The following ZDHHC21 variants were observed in gnomAD, a reference collection of about 807,000 sequenced individuals.
The protein encoded by ZDHHC21 is zDHHC palmitoyltransferase 21.
A neutral mutation model predicts 34.6 loss-of-function variants in ZDHHC21; 15 were observed. The observed-to-expected ratio is 0.43, with a 90% CI of 0.29 to 0.67. The LOEUF (loss-of-function observed/expected upper bound fraction) is 0.67. Ranked by LOEUF, ZDHHC21 falls within the 30% of genes least tolerant of loss-of-function variation. ZDHHC21 has a pLI of 0.14. For missense variants in ZDHHC21, 344 were observed against 327.7 expected (o/e 1.05, Z -0.38); for synonymous variants, 142 against 101.8 (o/e 1.40, Z -2.38).
the ZDHHC21 span, among the ~76,000 whole-genome samples, chr9:14,596,056 A>G: frequency 6.6e-6 from 1 of 152,224 alleles, no homozygotes; most frequent in African/African-American, 2.4e-5. Flanking sequence ...CAACCCAGTA[A>G]TTCTACTCTA....
chr9:14,590,808 G>A, the ZDHHC21 span, among the ~76,000 whole-genome samples: 1 of 152,186 alleles, frequency 6.6e-6, no homozygotes, highest in East Asian at 1.9e-4. Flanking sequence ...CAAAAGGAAC[G>A]AAGAGCACCA....
intron 6 of ZDHHC21, 26 bp from the exon 7 acceptor site, chr9:14,658,913 CAA>C (rs1397425098): frequency 6.3e-6 from 10 of 1,590,234 alleles, no homozygotes; most frequent in Non-Finnish European, 8.5e-6. Flanking sequence ...GAAAAAGAAA[CAA>C]TATTTTAAAT....
chr9:14,665,310 A>C (rs1013905120), intron 5 of ZDHHC21, among the ~76,000 whole-genome samples: 2 of 137,648 alleles, frequency 1.5e-5, no homozygotes, highest in Non-Finnish European at 3.1e-5. Flanking sequence ...AAAGAATAAA[A>C]AGAAATGAGC....
intron 8 of ZDHHC21, among the ~76,000 whole-genome samples, chr9:14,625,653 T>C (rs1826078416): frequency 1.3e-5 from 2 of 152,062 alleles, no homozygotes; most frequent in South Asian, 4.1e-4. Flanking sequence ...TACTACCTAC[T>C]TTTTGAGAGG....
At chr9:14,639,735 C>T (rs1014786137) in intron 8 of ZDHHC21, among the ~76,000 whole-genome samples, 161 bp downstream of exon 8, 4 of 152,006 alleles carry the variant, frequency 2.6e-5, no homozygotes, top group Non-Finnish European at 5.9e-5. Context: ...ATACTTTGTA[C>T]TTGATTATAA....
intron 7 of ZDHHC21, among the ~76,000 whole-genome samples, chr9:14,645,728 A>C (rs1193940240): frequency 4.6e-5 from 7 of 152,144 alleles, no homozygotes; most frequent in African/African-American, 1.7e-4. Context: ...CCCTACAATT[A>C]CCAAGAAAAA....
Position 14,658,887 on chromosome 9 carries a change from C to T in ZDHHC21, c.366G>A (p.Trp122Ter). Reference sequence around the variant, plus strand: ...TATCTTCACCAACACAATTGTTAATCCTAAAGAAAAAAAATGAAAAAGAAA... The same window carrying T: ...TATCTTCACCAACACAATTGTTAATTCTAAAGAAAAAAAATGAAAAAGAAA... Reference protein sequence around the residue: ...CVRRMDHHCPWINNCVGEDNH... With the variant: ...CVRRMDHHCP Residue 122 changes from tryptophan (W) to a stop codon, truncating the protein, a stop_gained and splice_region_variant, in exon 7 of 10, where the codon TGG becomes TGA. Coordinates refer to ENST00000380916, the MANE Select transcript of ZDHHC21 (RefSeq NM_178566.6). LOFTEE classifies it high-confidence loss of function. The T allele has an allele frequency of 6.3e-7, 1 of 1,596,024 alleles. No individual in the cohort carries two copies. The highest frequency in any genetic ancestry group is 8.5e-7 in the Non-Finnish European group (1 of 1,174,450).
chr9:14,610,689 T>G (rs754065675), downstream of ZDHHC21, among the ~76,000 whole-genome samples: 4 of 151,956 alleles, frequency 2.6e-5, no homozygotes, highest in Non-Finnish European at 4.4e-5. Context: ...AGTGCCTAGG[T>G]GTAAACTTAA....
the ZDHHC21 span, among the ~76,000 whole-genome samples, chr9:14,602,772 C>A: frequency 6.6e-6 from 1 of 151,788 alleles, no homozygotes; most frequent in Non-Finnish European, 1.5e-5. Context: ...AAACAAAGGA[C>A]AAAAGCCAGG....
intron 3 of ZDHHC21, among the ~76,000 whole-genome samples, chr9:14,679,420 T>C (rs1273503391): frequency 6.6e-6 from 1 of 152,156 alleles, no homozygotes; most frequent in South Asian, 2.1e-4. Context: ...ACTTATAGAA[T>C]AGTTTATATA....
intron 7 of ZDHHC21, among the ~76,000 whole-genome samples, chr9:14,643,575 G>A (rs2133753597): frequency 6.6e-6 from 1 of 152,202 alleles, no homozygotes; most frequent in East Asian, 1.9e-4. Flanking sequence ...TCCTATTTAA[G>A]AAATCTTTCC....
intron 2 of ZDHHC21, among the ~76,000 whole-genome samples, chr9:14,682,170 G>A (rs1373768498): frequency 1.3e-5 from 2 of 152,142 alleles, no homozygotes; most frequent in African/African-American, 4.8e-5. Context: ...ATAATGACAG[G>A]ATCAAATTCA....
intron 1 of ZDHHC21, 107 bp from the exon 2 acceptor site, chr9:14,690,492 A>T: frequency 2.6e-6 from 1 of 385,520 alleles, no homozygotes; most frequent in Non-Finnish European, 5.0e-6. Context: ...GTAAAATATC[A>T]ATTTTACCCA....
intron 7 of ZDHHC21, among the ~76,000 whole-genome samples, chr9:14,652,213 T>G (rs1248789756): frequency 6.6e-6 from 1 of 151,966 alleles, no homozygotes; most frequent in Non-Finnish European, 1.5e-5. Flanking sequence ...TTTTTTACAC[T>G]GAGAATTTGG....
chr9:14,608,481 A>T (rs1823089230), downstream of ZDHHC21, among the ~76,000 whole-genome samples: 1 of 152,162 alleles, frequency 6.6e-6, no homozygotes, highest in Non-Finnish European at 1.5e-5. Context: ...AATTTCCTCA[A>T]TAGTCTGGCT....
intron 8 of ZDHHC21, among the ~76,000 whole-genome samples, chr9:14,623,645 GA>G (rs71322000): frequency 0.69 from 85,018 of 123,334 alleles, 27,147 homozygotes; most frequent in South Asian, 0.78. Context: ...CAACTCAACA[GA>G]AAAAAAAAAA....
chr9:14,675,579 G>C (rs546365487), intron 3 of ZDHHC21, among the ~76,000 whole-genome samples: 11 of 152,000 alleles, frequency 7.2e-5, no homozygotes, highest in Admixed American at 5.3e-4. Context: ...ACAATGAGTT[G>C]AACTCACTTA....
chr9:14,619,144 C>T lies in ZDHHC21; in HGVS notation c.666-46G>A, dbSNP rs775274542. On this transcript the variant is annotated intron_variant, in intron 9 of 9. Coordinates refer to ENST00000380916, the MANE Select transcript of ZDHHC21 (RefSeq NM_178566.6). ...AGTGAAAGACAGCACTCCCATGGTG[C>T]ACTTCAGTCAGCTAAAACAATACAG... 3.2e-6 allele frequency: 5 copies of T among 1,551,856 alleles called. No individual in the cohort carries two copies. In the East Asian group the frequency reaches 7.0e-5, roughly 22 times the overall value.
At chr9:14,635,655 A>T (rs888691657) in intron 8 of ZDHHC21, among the ~76,000 whole-genome samples, 3 of 152,334 alleles carry the variant, frequency 2.0e-5, no homozygotes, top group African/African-American at 7.2e-5. Flanking sequence ...TCATCCCTAG[A>T]CTGGTCCTAC....
Sources: gnomAD v4.1 joint callset for allele counts (sites outside exome capture counted in the v4.1 genomes callset) on GRCh38, gnomAD v4.1.1 for gene constraint, MANE v1.5 for transcripts, NCBI Gene and HGNC (gene_info 2026-07-23, HGNC 2026-07-21) for gene names.